The following DOP1B variants were observed in gnomAD, a reference collection of about 807,000 sequenced individuals.
The protein encoded by DOP1B is protein DOP1B.
In DOP1B, 174 loss-of-function variants were observed where a neutral mutation model predicts 233.5. That is an observed-to-expected ratio of 0.75 (90% CI 0.66 to 0.85). DOP1B has a LOEUF of 0.85. Among genes scored for constraint, DOP1B ranks in the 40% least tolerant of loss-of-function variants. The pLI, the probability that DOP1B is intolerant of heterozygous loss-of-function variation, is 0.00. For missense variants in DOP1B, 2,652 were observed against 2,846.6 expected (o/e 0.93, Z 1.56); for synonymous variants, 1,190 against 1,185.6 (o/e 1.00, Z -0.08).
chr21:36,288,602 G>C (rs1349169469), intron 33 of DOP1B, among the ~76,000 whole-genome samples, 154 bp from the exon 34 acceptor site: 1 of 152,152 alleles, frequency 6.6e-6, no homozygotes, highest in Non-Finnish European at 1.5e-5. Flanking sequence ...AGTGAGCCAT[G>C]ATTGTACCAC....
Position 36,277,112 on chromosome 21 carries a change from C to T in DOP1B, c.5712+12C>T. 6.2e-7 allele frequency: 1 copy of T among 1,611,728 alleles called. No homozygotes were observed. The highest frequency in any genetic ancestry group is 8.5e-7 in the Non-Finnish European group (1 of 1,179,060). ...CTCTCCTGGCAGAGGTAAATACACA[C>T]CTGACCTGTCGTCCTTTATGGAAAT... On this transcript the variant is annotated intron_variant, in intron 28 of 36. Coordinates refer to ENST00000691173, the MANE Select transcript of DOP1B (RefSeq NM_001320714.2).
At position 36,200,356 on chromosome 21, in the gene DOP1B, C is replaced by T; in HGVS notation, c.346C>T (p.His116Tyr). Residue 116 changes from histidine (H) to tyrosine (Y), a missense_variant, in exon 4 of 37, where the codon CAC (histidine) becomes TAC (tyrosine). Coordinates refer to ENST00000691173, the MANE Select transcript of DOP1B (RefSeq NM_001320714.2). ...CTGCGGGTTATTTCCTCTCCTGGCA[C>T]ACGCGGCGGTGTCGGTGAGGCCGGT... ...YSCGLFPLLA[H>Y]AAVSVRPVLL... 1 of 1,604,920 alleles carries T rather than the reference C, an allele frequency of 6.2e-7. No homozygotes were observed. The highest frequency in any genetic ancestry group is 8.5e-7 in the Non-Finnish European group (1 of 1,176,750).
intron 23 of DOP1B, among the ~76,000 whole-genome samples, chr21:36,258,115 A>AG (rs2067129298): frequency 6.6e-6 from 1 of 152,244 alleles, no homozygotes; most frequent in Non-Finnish European, 1.5e-5. Flanking sequence ...GTAGATAGAT[A>AG]TTATGATTTT....
intron 1 of DOP1B, among the ~76,000 whole-genome samples, chr21:36,163,344 C>CAAAAAAAAAAAAA (rs762277927): frequency 9.3e-6 from 1 of 107,774 alleles, no homozygotes; most frequent in African/African-American, 3.4e-5. Context: ...GACTCTGTCT[C>CAAAAAAAAAAAAA]AAAAAAAAAA....
chr21:36,258,484 G>T (rs2067133195), intron 23 of DOP1B, among the ~76,000 whole-genome samples: 1 of 151,830 alleles, frequency 6.6e-6, no homozygotes, highest in South Asian at 2.1e-4. Flanking sequence ...CACATATCAC[G>T]CATGTGCGTG....
chr21:36,257,426 G>A (rs900947161), intron 23 of DOP1B, among the ~76,000 whole-genome samples: 7 of 152,218 alleles, frequency 4.6e-5, no homozygotes, highest in South Asian at 2.1e-4. Context: ...TGGCCTGTCT[G>A]CACAGCACTG....
chr21:36,276,981 C>G, intron 27 of DOP1B, 40 bp from the exon 28 acceptor site: 1 of 1,604,180 alleles, frequency 6.2e-7, no homozygotes, highest in Non-Finnish European at 8.5e-7. Context: ...GGTGACCCAT[C>G]CATCATAGTT....
At chr21:36,247,461 C>A in intron 19 of DOP1B, 56 bp from the exon 20 acceptor site, 1 of 1,318,874 alleles carries the variant, frequency 7.6e-7, no homozygotes, top group Non-Finnish European at 1.1e-6. Context: ...ATTAGAAACC[C>A]TTATGGCCTC....
intron 2 of DOP1B, among the ~76,000 whole-genome samples, chr21:36,178,730 T>C (rs2066060839): frequency 6.6e-6 from 1 of 152,246 alleles, no homozygotes; most frequent in African/African-American, 2.4e-5. Flanking sequence ...ACATTCAAGC[T>C]TGTATTTGAG....
At position 36,245,928 on chromosome 21, in the gene DOP1B, C is replaced by T. The variant is rs370194026; in HGVS notation, c.3948C>T (p.Thr1316=). Residue 1316 remains threonine (T), a synonymous_variant, in exon 19 of 37, where the codon ACC becomes ACT. Transcript: ENST00000691173. The surrounding 1 kb of genome is among the most constrained non-coding windows in gnomAD (Gnocchi z 5.5). ...CPHSLLLELL[T]YLCLSFLRSY... ...ACTCTCTGCTCCTGGAGCTGCTCAC[C>T]TACCTCTGCCTGAGCTTCCTGCGCT... is the stretch of plus-strand genomic sequence containing the variant. 18 of 1,613,836 alleles carry T rather than the reference C, an allele frequency of 1.1e-5. No individual in the cohort carries two copies. Among genetic ancestry groups the T allele is most frequent in the Non-Finnish European group, 1.4e-5 (17 of 1,180,038 alleles).
intron 2 of DOP1B, among the ~76,000 whole-genome samples, chr21:36,181,169 C>T (rs923174481): frequency 2.6e-5 from 4 of 152,116 alleles, no homozygotes; most frequent in Admixed American, 2.0e-4. Flanking sequence ...TCAATGTCCT[C>T]GATGTAATTG....
intron 1 of DOP1B, among the ~76,000 whole-genome samples, chr21:36,159,321 C>T (rs1182864472): frequency 6.7e-6 from 1 of 150,176 alleles, no homozygotes; most frequent in Non-Finnish European, 1.5e-5. Context: ...CGTGGTGGCA[C>T]CTGCCTGTAA....
chr21:36,280,927 G>A (rs1317924599), intron 31 of DOP1B, among the ~76,000 whole-genome samples: 1 of 151,448 alleles, frequency 6.6e-6, no homozygotes, highest in African/African-American at 2.4e-5. Context: ...GCATGAACCC[G>A]GGAGGCAGAG....
chr21:36,281,564 T>G lies in DOP1B; in HGVS notation c.6113T>G (p.Phe2038Cys). The change falls in exon 32 of 37, where the codon TTC becomes TGC. Residue 2038 changes from phenylalanine to cysteine, a missense_variant. This residue lies in a region of DOP1B where 2,617 missense variants were observed against 2,794.3 expected (regional missense o/e 0.94). Coordinates refer to ENST00000691173, the MANE Select transcript of DOP1B (RefSeq NM_001320714.2). ...MLLKRQAFAV[F>C]SGELDQYHLY... ...TTAAAGCGCCAGGCTTTTGCTGTCT[T>G]CAGTGGAGAACTTGATCAATACCAC... 6.2e-7 allele frequency: 1 copy of G among 1,609,764 alleles called. No homozygotes were observed.
chr21:36,254,039 A>G (rs2067064221), intron 23 of DOP1B, 130 bp downstream of exon 23: 3 of 1,210,356 alleles, frequency 2.5e-6, no homozygotes, highest in African/African-American at 3.1e-5. Context: ...TGCTTGGGGT[A>G]GTGAAGTGGA....
intron 32 of DOP1B, among the ~76,000 whole-genome samples, chr21:36,285,055 A>G (rs1569071618): frequency 6.6e-6 from 1 of 151,926 alleles, no homozygotes; most frequent in Non-Finnish European, 1.5e-5. Context: ...GAAAAGAGAA[A>G]TTTTTTTGTT....
intron 11 of DOP1B, 34 bp downstream of exon 11, chr21:36,223,384 G>A (rs775360000): frequency 8.2e-6 from 13 of 1,594,728 alleles, no homozygotes; most frequent in Non-Finnish European, 1.1e-5. Flanking sequence ...AGAATATTTA[G>A]GAAGGATGAG....
Position 36,278,240 on chromosome 21 carries a change from G to C in DOP1B, c.5854G>C (p.Ala1952Pro). ...AYNAPSFRAG[A>P]QLLSSLSGYA... is the part of the protein sequence containing the mutation. The stretch of plus-strand genomic sequence containing the variant: ...CAATGCTCCCAGCTTCCGGGCTGGC[G>C]CTCAGCTGCTGAGCTCCCTGAGTGG... Residue 1952 changes from alanine to proline, a missense_variant, in exon 30 of 37, where the codon GCT (alanine) becomes CCT (proline). Ala to Pro is a conservative substitution (Grantham distance 27, BLOSUM62 -1). Around this residue, in one of 3 missense-constraint regions of DOP1B, gnomAD observed 2,617 missense variants for 2,794.3 expected, o/e 0.94. Transcript: ENST00000691173. The C allele has an allele frequency of 6.2e-7, 1 of 1,614,060 alleles. No individual in the cohort carries two copies.
At chr21:36,259,498 C>T (rs1220578318) in intron 23 of DOP1B, among the ~76,000 whole-genome samples, 1 of 152,052 alleles carries the variant, frequency 6.6e-6, no homozygotes, top group Non-Finnish European at 1.5e-5. Context: ...GTCTTGAATG[C>T]CTGACCTCAA....
Sources: allele counts gnomAD v4.1 joint callset (sites outside exome capture counted in the v4.1 genomes callset), GRCh38; gene constraint gnomAD v4.1.1; regional missense constraint gnomAD v4.1.1; non-coding constraint Gnocchi (gnomAD v3.1); transcripts MANE v1.5; gene names NCBI Gene and HGNC (gene_info 2026-07-23, HGNC 2026-07-21).